The following AKAP11 variants were observed in gnomAD, a reference collection of about 807,000 sequenced individuals.
The protein encoded by AKAP11 is A-kinase anchor protein 11.
Under a neutral mutation model 146.1 loss-of-function variants are expected in AKAP11, and 36 were observed. The ratio of observed to expected loss-of-function variants is 0.25; its 90% CI spans 0.19 to 0.33. AKAP11 has a LOEUF of 0.33. Ranked by LOEUF, AKAP11 falls within the 10% of genes least tolerant of loss-of-function variation. The pLI is 1.00. For synonymous variants in AKAP11, 780 were observed against 786.5 expected (o/e 0.99, Z 0.14); for missense variants, 2,201 against 2,197.0 (o/e 1.00, Z -0.04).
intron 1 of AKAP11, among the ~76,000 whole-genome samples, chr13:42,273,780 T>C (rs553951620): frequency 2.6e-5 from 4 of 152,244 alleles, no homozygotes; most frequent in Admixed American, 6.5e-5. Context: ...CTGGAAAAAA[T>C]ACGGTACTTT....
chr13:42,313,930 C>T lies in AKAP11; in HGVS notation c.5394C>T (p.Asp1798=), dbSNP rs539823851. Residue 1798 remains aspartate (D), a synonymous_variant, in exon 11 of 13, where the codon GAC becomes GAT. Coordinates refer to ENST00000025301, the MANE Select transcript of AKAP11 (RefSeq NM_016248.4). ...GPDDKDEEHE[D]EVEGLGQDGK... is the part of the protein sequence containing the mutation. ...ATGATAAAGATGAAGAGCATGAGGACGAAGTAGAAGGTAATTTGATTTGTT... is the reference window on the plus strand; with the variant it reads ...ATGATAAAGATGAAGAGCATGAGGATGAAGTAGAAGGTAATTTGATTTGTT... 3.8e-5 allele frequency: 62 copies of T among 1,613,378 alleles called. No homozygotes were observed. The highest frequency in any genetic ancestry group is 3.4e-4 in the South Asian group (31 of 91,018).
intron 1 of AKAP11, among the ~76,000 whole-genome samples, chr13:42,277,119 T>A (rs1252677262): frequency 6.6e-6 from 1 of 152,232 alleles, no homozygotes; most frequent in Non-Finnish European, 1.5e-5. Flanking sequence ...ATCATCCTTA[T>A]AATATTGCCA....
intron 1 of AKAP11, among the ~76,000 whole-genome samples, chr13:42,275,184 C>CT (rs1405316929): frequency 3.2e-4 from 49 of 152,360 alleles, no homozygotes; most frequent in African/African-American, 1.2e-3. Flanking sequence ...TCTTATGTCT[C>CT]TGCTACTCAC....
Position 42,302,424 on chromosome 13 carries a change from C to A in AKAP11, c.3678C>A (p.Pro1226=). The A allele has an allele frequency of 6.2e-7, 1 of 1,614,122 alleles. No homozygotes were observed. The highest frequency in any genetic ancestry group is 8.5e-7 in the Non-Finnish European group (1 of 1,180,002). ...TAGATAACAAAATAATTCAAGAACC[C>A]AAGGTTAAAAACCCTTGCTTAAATG... The part of the protein sequence containing the change: ...SHLDNKIIQE[P]KVKNPCLNVQ... Residue 1226 remains proline (P), a synonymous_variant, in exon 8 of 13, where the codon CCC becomes CCA. Transcript: ENST00000025301.
At chr13:42,304,953 G>C (rs887650424) in intron 8 of AKAP11, among the ~76,000 whole-genome samples, 1 of 152,114 alleles carries the variant, frequency 6.6e-6, no homozygotes, top group Non-Finnish European at 1.5e-5. Flanking sequence ...GTTTCACCAA[G>C]TTGGCCAGGC....
chr13:42,283,883 G>A, intron 1 of AKAP11, among the ~76,000 whole-genome samples: 1 of 152,296 alleles, frequency 6.6e-6, no homozygotes, highest in East Asian at 1.9e-4. Context: ...TGGCGTCATT[G>A]TGGGAATGAA....
chr13:42,282,385 CAT>C (rs1379057456), intron 1 of AKAP11, among the ~76,000 whole-genome samples: 2 of 150,080 alleles, frequency 1.3e-5, no homozygotes, highest in South Asian at 2.2e-4. Context: ...GAGTAATAAT[CAT>C]GTGAATTTAT....
At position 42,300,199 on chromosome 13, in the gene AKAP11, T is replaced by G. The variant is rs768004996; in HGVS notation, c.1453T>G (p.Tyr485Asp). Residue 485 changes from tyrosine to aspartate, a missense_variant, in exon 8 of 13, where the codon TAT becomes GAT. Physicochemically the swap from Tyr to Asp is radical, Grantham distance 160. Transcript: ENST00000025301. ...DRIHENHDSV[Y>D]YTYEDYAKSI... is the part of the protein sequence containing the mutation. ...GATTCATGAAAATCATGATTCTGTT[T>G]ATTACACCTATGAAGACTATGCAAA... 6.2e-6 allele frequency: 10 copies of G among 1,614,010 alleles called. No homozygotes were observed. The highest frequency in any genetic ancestry group is 8.5e-6 in the Non-Finnish European group (10 of 1,179,902).
chr13:42,276,104 T>G (rs914258877), intron 1 of AKAP11, among the ~76,000 whole-genome samples: 8 of 152,216 alleles, frequency 5.3e-5, no homozygotes, highest in Non-Finnish European at 8.8e-5. Flanking sequence ...TCATAGATGC[T>G]CTCTTGAATT....
chr13:42,288,749 A>T (rs1014599039), intron 3 of AKAP11, among the ~76,000 whole-genome samples: 1 of 152,130 alleles, frequency 6.6e-6, no homozygotes, highest in South Asian at 2.1e-4. Flanking sequence ...CAATTCTGAC[A>T]TCTTGAATAG....
chr13:42,310,898 G>A (rs762976622), intron 9 of AKAP11, among the ~76,000 whole-genome samples: 30 of 151,534 alleles, frequency 2.0e-4, no homozygotes, highest in Non-Finnish European at 3.4e-4. Flanking sequence ...AAAACACCTT[G>A]CCAGTTTCAT....
chr13:42,302,850 C>T lies in AKAP11; in HGVS notation c.4104C>T (p.Ala1368=). The T allele has an allele frequency of 1.2e-6, 2 of 1,613,866 alleles. No homozygotes were observed. Among genetic ancestry groups the T allele is most frequent in the Non-Finnish European group, 1.7e-6 (2 of 1,179,978 alleles). Reference sequence around the variant, plus strand: ...GTGAGTTGATAATGGATCAGTATGCCAATAGGCTTGCCTACCGATCTGTTA... The same window carrying T: ...GTGAGTTGATAATGGATCAGTATGCTAATAGGCTTGCCTACCGATCTGTTA... ...GNSELIMDQY[A]NRLAYRSVKS... The change falls in exon 8 of 13, where the codon GCC becomes GCT. Residue 1368 remains alanine, a synonymous_variant. Coordinates refer to ENST00000025301, the MANE Select transcript of AKAP11 (RefSeq NM_016248.4).
At position 42,301,140 on chromosome 13, in the gene AKAP11, A is replaced by G. The variant is rs1959872311; in HGVS notation, c.2394A>G (p.Ala798=). ...ALLPYHISST[A]CQAKAHLSSD... is the part of the protein sequence containing the mutation. ...TCCCATATCATATTTCATCTACTGC[A>G]TGTCAGGCCAAGGCTCATCTGTCAT... Residue 798 remains alanine (A), a synonymous_variant, in exon 8 of 13, where the codon GCA becomes GCG. Transcript: ENST00000025301. 2 of 1,613,988 alleles carry G rather than the reference A, an allele frequency of 1.2e-6. No homozygotes were observed. Among genetic ancestry groups the G allele is most frequent in the East Asian group, 2.2e-5 (1 of 44,892 alleles).
intron 1 of AKAP11, among the ~76,000 whole-genome samples, chr13:42,283,962 A>G (rs1959114034): frequency 6.6e-6 from 1 of 152,114 alleles, no homozygotes; most frequent in Non-Finnish European, 1.5e-5. Context: ...TGTGAGTTGT[A>G]ATGAACCAGA....
In AKAP11 at chr13:42,301,889, A is replaced by G. The variant is rs772624002; in HGVS notation, c.3143A>G (p.His1048Arg). ...GCTAAGGATCAACCACTGAAAAAGC[A>G]TAACTTGAATAGTACATCACTTGAG... ...ESAKDQPLKK[H>R]NLNSTSLEAL... is the part of the protein sequence containing the mutation. The change falls in exon 8 of 13, where the codon CAT becomes CGT. Residue 1048 changes from histidine to arginine, a missense_variant. By Grantham distance (29) the His-to-Arg change is conservative. Coordinates refer to ENST00000025301, the MANE Select transcript of AKAP11 (RefSeq NM_016248.4). 1.9e-6 allele frequency: 3 copies of G among 1,614,162 alleles called. No individual in the cohort carries two copies. Among genetic ancestry groups the G allele is most frequent in the Non-Finnish European group, 2.5e-6 (3 of 1,180,012 alleles).
chr13:42,303,942 A>G (rs913903949), intron 8 of AKAP11, 79 bp downstream of exon 8: 1 of 1,444,366 alleles, frequency 6.9e-7, no homozygotes, highest in African/African-American at 1.4e-5. Context: ...GGTCCTGTTC[A>G]TAAAGGAATG....
Position 42,319,196 on chromosome 13 carries a change from T to G in AKAP11, c.5674T>G (p.Ser1892Ala). 3 of 1,613,992 alleles carry G rather than the reference T, an allele frequency of 1.9e-6. No individual in the cohort carries two copies. The highest frequency in any genetic ancestry group is 2.5e-6 in the Non-Finnish European group (3 of 1,179,948). ...AGCTTCCAGTGAGGAGAGATGCAAG[T>G]CGCTGTTTGATTGGCTCTTGGAAAA... is the stretch of plus-strand genomic sequence containing the variant. ...EKASSEERCK[S>A]LFDWLLENA The change falls in exon 13 of 13, where the codon TCG (serine) becomes GCG (alanine). Residue 1892 changes from serine (S) to alanine (A), a missense_variant. Ser to Ala is a moderately conservative substitution (Grantham distance 99, BLOSUM62 1). Around this residue, in one of 3 missense-constraint regions of AKAP11, gnomAD observed 1,867 missense variants for 1,833.5 expected, o/e 1.02. Transcript: ENST00000025301.
At chr13:42,292,726 G>A (rs1270583990) in intron 4 of AKAP11, among the ~76,000 whole-genome samples, 4 of 152,100 alleles carry the variant, frequency 2.6e-5, no homozygotes, top group Admixed American at 6.5e-5. Flanking sequence ...TCAAACAAAT[G>A]AGCACATTTA....
At chr13:42,280,269 A>G (rs893042320) in intron 1 of AKAP11, among the ~76,000 whole-genome samples, 1 of 152,230 alleles carries the variant, frequency 6.6e-6, no homozygotes, top group African/African-American at 2.4e-5. Flanking sequence ...CCAATGTTTC[A>G]TATATATTCT....
Sources: allele counts gnomAD v4.1 joint callset (sites outside exome capture counted in the v4.1 genomes callset), GRCh38; gene constraint gnomAD v4.1.1; regional missense constraint gnomAD v4.1.1; transcripts MANE v1.5; gene names NCBI Gene and HGNC (gene_info 2026-07-23, HGNC 2026-07-21).